Variants in RNF180 observed in about 807,000 individuals in gnomAD.
RNF180 encodes E3 ubiquitin-protein ligase RNF180.
RNF180 carries 38 observed loss-of-function variants against 59.2 expected under a neutral mutation model. The ratio of observed to expected loss-of-function variants is 0.64; its 90% CI spans 0.50 to 0.84. The LOEUF is 0.84. RNF180 is among the 40% of genes least tolerant of loss of function. The pLI is 0.00. For synonymous variants in RNF180, 262 were observed against 240.3 expected (o/e 1.09, Z -0.84); for missense variants, 705 against 700.9 (o/e 1.01, Z -0.07).
At chr5:64,341,304 A>G (rs546621331) in intron 7 of RNF180, among the ~76,000 whole-genome samples, 2 of 152,196 alleles carry the variant, frequency 1.3e-5, no homozygotes, top group Non-Finnish European at 2.9e-5. Context: ...AAATGACACC[A>G]AGTAAAAGTG....
intron 2 of RNF180, among the ~76,000 whole-genome samples, chr5:64,203,896 G>T (rs1335287980): frequency 6.6e-6 from 1 of 151,838 alleles, no homozygotes; most frequent in East Asian, 1.9e-4. Flanking sequence ...TATTAAAAAT[G>T]AACATGAAAG....
chr5:64,300,190 GA>G (rs957960119), intron 5 of RNF180, among the ~76,000 whole-genome samples: 7 of 150,674 alleles, frequency 4.6e-5, no homozygotes, highest in African/African-American at 7.3e-5. Context: ...AATAGGAAAA[GA>G]AAAAAAAATT....
intron 5 of RNF180, among the ~76,000 whole-genome samples, chr5:64,261,499 C>G (rs1744339102): frequency 6.6e-6 from 1 of 152,066 alleles, no homozygotes; most frequent in Admixed American, 6.6e-5. Context: ...TTTACATATT[C>G]CTAATACCAA....
Position 64,304,998 on chromosome 5 carries a change from T to C in RNF180, c.1228-20188T>C, listed in dbSNP as rs145895634. ...CTTCACCTCCAAAAAGGATTATGAC[T>C]TACTGAAGGCTCAGATGATCATTAG... On this transcript the variant is annotated intron_variant, in intron 5 of 7. Transcript: ENST00000389100. Among the ~76,000 whole-genome samples, 549 of 151,766 alleles carry C rather than the reference T, an allele frequency of 3.6e-3. 2 individuals are homozygous for C. Among genetic ancestry groups the C allele is most frequent in the African/African-American group, 0.012 (501 of 41,496 alleles).
At position 64,315,734 on chromosome 5, in the gene RNF180, CAA is replaced by C. The variant is rs869200360; in HGVS notation, c.1228-9433_1228-9432del. Among the ~76,000 whole-genome samples the C allele has an allele frequency of 4.0e-3, 210 of 53,040 alleles. 1 individual carries two copies. The highest frequency in any genetic ancestry group is 0.01 in the African/African-American group (183 of 18,170). 34.8% of individuals were successfully genotyped at this position (53,040 alleles called of 152,430 possible). On this transcript the variant is annotated intron_variant, in intron 5 of 7. Coordinates refer to ENST00000389100, the MANE Select transcript of RNF180 (RefSeq NM_001113561.2). ...CTGGGCAACAAGAGCGTAACTGTCT[CAA>C]AAAAAAAAAAAAAAAAAAGATTTTT...
chr5:64,349,422 TG>T (rs1217480499), intron 7 of RNF180, among the ~76,000 whole-genome samples: 25 of 151,230 alleles, frequency 1.7e-4, no homozygotes, highest in Admixed American at 1.4e-3. Context: ...TTTTTTTTTT[TG>T]AGTTTCTATT....
intron 1 of RNF180, among the ~76,000 whole-genome samples, chr5:64,196,157 C>T (rs565561590): frequency 6.6e-6 from 1 of 151,412 alleles, no homozygotes; most frequent in African/African-American, 2.4e-5. Flanking sequence ...AACCTAAAAA[C>T]CAAAAATGAT....
In RNF180 at chr5:64,337,311, G is replaced by A. The variant is rs567072973; in HGVS notation, c.1579+6905G>A. 2.6e-5 allele frequency among the ~76,000 whole-genome samples: 4 copies of A among 151,918 alleles called. No individual in the cohort carries two copies. The South Asian group carries it at 6.2e-4, about 24-fold the overall frequency. ...GGCATGAGCCACCCTGCCAAGCCTC[G>A]CTTAGATGTTTTAAATATTTATTTT... On this transcript the variant is annotated intron_variant, in intron 7 of 7. Coordinates refer to ENST00000389100, the MANE Select transcript of RNF180 (RefSeq NM_001113561.2).
chr5:64,340,002 A>C (rs747059664), intron 7 of RNF180, among the ~76,000 whole-genome samples: 1 of 152,134 alleles, frequency 6.6e-6, no homozygotes, highest in Middle Eastern at 3.2e-3. Context: ...TGACTCTGTC[A>C]ATTGTAATTC....
intron 5 of RNF180, among the ~76,000 whole-genome samples, chr5:64,259,567 A>T (rs1203658953): frequency 6.6e-6 from 1 of 152,136 alleles, no homozygotes; most frequent in Non-Finnish European, 1.5e-5. Context: ...ATACAGACAT[A>T]ACTTGTTTTT....
At chr5:64,326,438 C>T (rs1226244589) in intron 6 of RNF180, among the ~76,000 whole-genome samples, 1 of 152,050 alleles carries the variant, frequency 6.6e-6, no homozygotes, top group Admixed American at 6.5e-5. Context: ...TCTATAACTC[C>T]ATTTTGACAA....
At chr5:64,248,536 C>G (rs892034981) in intron 5 of RNF180, among the ~76,000 whole-genome samples, 1 of 152,076 alleles carries the variant, frequency 6.6e-6, no homozygotes, top group East Asian at 1.9e-4. Context: ...TAGAGAAATG[C>G]AAATCAAAAC....
rs1469902096 is a variant in RNF180, at chr5:64,177,561, ATAT to A, written c.-1+11609_-1+11611del. On this transcript the variant is annotated intron_variant, in intron 1 of 7. Coordinates refer to ENST00000389100, the MANE Select transcript of RNF180 (RefSeq NM_001113561.2). Reference sequence around the variant, plus strand: ...TATATATATATATATATATATATATATATATGTATTTATTTCTTTCCTGAGTCA... The same window carrying A: ...TATATATATATATATATATATATATAATGTATTTATTTCTTTCCTGAGTCA... 7.4e-5 allele frequency among the ~76,000 whole-genome samples: 8 copies of A among 108,412 alleles called. No individual in the cohort carries two copies. In the East Asian group the frequency reaches 1.6e-3, roughly 22 times the overall value. The allele number at this position is 108,412 out of a possible 152,430, so 71.1% of individuals were successfully genotyped here. A position where few individuals can be genotyped will look rare whatever the true frequency, so the allele number is the denominator to read the frequency against.
intron 5 of RNF180, among the ~76,000 whole-genome samples, chr5:64,287,217 G>A (rs1222452967): frequency 2.6e-5 from 4 of 152,088 alleles, no homozygotes; most frequent in Admixed American, 6.5e-5. Flanking sequence ...CACCCACTTC[G>A]GCCTCCCAAA....
chr5:64,229,291 A>T (rs1300787190), intron 5 of RNF180, among the ~76,000 whole-genome samples: 1 of 152,144 alleles, frequency 6.6e-6, no homozygotes, highest in East Asian at 1.9e-4. Flanking sequence ...TAGCTCTTAA[A>T]TTCTGTACTT....
rs570669750 is a variant in RNF180, at chr5:64,327,471, C to T, written c.1453+2060C>T. Among the ~76,000 whole-genome samples, 6 of 151,940 alleles carry T rather than the reference C, an allele frequency of 3.9e-5. No individual in the cohort carries two copies. The East Asian group carries it at 5.8e-4, about 15-fold the overall frequency. On this transcript the variant is annotated intron_variant, in intron 6 of 7. Transcript: ENST00000389100. ...TTTTGCTGTGTCCTGTAGCTTTTGG[C>T]GTATTATATTTCTATTTTCACTTGT...
intron 5 of RNF180, among the ~76,000 whole-genome samples, chr5:64,260,523 C>G (rs145768456): frequency 6.6e-6 from 1 of 152,270 alleles, no homozygotes; most frequent in East Asian, 1.9e-4. Context: ...TCTGTATCTT[C>G]AGTTTTCTCA....
intron 5 of RNF180, among the ~76,000 whole-genome samples, chr5:64,252,871 G>T (rs906633072): frequency 6.6e-6 from 1 of 152,052 alleles, no homozygotes; most frequent in Admixed American, 6.6e-5. Flanking sequence ...AGCAGAGCCA[G>T]TATTAACAGA....
intron 5 of RNF180, among the ~76,000 whole-genome samples, chr5:64,259,018 A>C (rs970957528): frequency 2.6e-5 from 4 of 152,182 alleles, no homozygotes; most frequent in African/African-American, 9.7e-5. Flanking sequence ...TTATATAGCC[A>C]CATGTGAGTA....
Sources: gnomAD v4.1 joint callset for allele counts (sites outside exome capture counted in the v4.1 genomes callset) on GRCh38, gnomAD v4.1.1 for gene constraint, MANE v1.5 for transcripts, NCBI Gene and HGNC (gene_info 2026-07-23, HGNC 2026-07-21) for gene names.